The following CCNC variants were observed in gnomAD, a reference collection of about 807,000 sequenced individuals.
CCNC encodes cyclin C.
CCNC carries 19 observed loss-of-function variants against 50.0 expected under a neutral mutation model. That is an observed-to-expected ratio of 0.38 (90% confidence interval 0.27 to 0.56). The LOEUF is 0.56. Ranked by LOEUF, CCNC falls within the 20% of genes least tolerant of loss-of-function variation. The probability of loss-of-function intolerance (pLI) is 0.72; values close to 1 mark genes in which losing one functional copy is unlikely to be tolerated. For missense variants in CCNC, 200 were observed against 327.1 expected (o/e 0.61, Z 3.00); for synonymous variants, 93 against 103.7 (o/e 0.90, Z 0.63).
chr6:99,560,523 A>G (rs1046780302), intron 4 of CCNC, among the ~76,000 whole-genome samples: 1 of 152,212 alleles, frequency 6.6e-6, no homozygotes, highest in Non-Finnish European at 1.5e-5. Flanking sequence ...TTCAATATTC[A>G]AGAATACAAC....
chr6:99,553,772 G>A (rs776366941), intron 5 of CCNC, among the ~76,000 whole-genome samples: 13 of 152,120 alleles, frequency 8.5e-5, no homozygotes, highest in Non-Finnish European at 1.3e-4. Context: ...CTCCAGAACT[G>A]TGAGAAATAA....
intron 8 of CCNC, 130 bp downstream of exon 8, chr6:99,550,088 G>T: frequency 1.7e-6 from 1 of 590,780 alleles, no homozygotes; most frequent in South Asian, 2.8e-5. Context: ...TCAACAAGTG[G>T]TATTTTGCTC....
intron 5 of CCNC, among the ~76,000 whole-genome samples, chr6:99,552,305 T>C (rs1802332677): frequency 6.6e-6 from 1 of 152,162 alleles, no homozygotes; most frequent in Admixed American, 6.6e-5. Context: ...ATATAAAATA[T>C]TGGGAGGATA....
chr6:99,559,204 A>C (rs1360486345), intron 4 of CCNC, among the ~76,000 whole-genome samples: 3 of 151,906 alleles, frequency 2.0e-5, no homozygotes, highest in Admixed American at 6.5e-5. Context: ...AAAAAAAAAA[A>C]AACCATATAA....
intron 4 of CCNC, among the ~76,000 whole-genome samples, chr6:99,560,937 G>T (rs569587296): frequency 2.0e-5 from 3 of 152,218 alleles, no homozygotes; most frequent in Non-Finnish European, 2.9e-5. Flanking sequence ...TAGGCAAGCT[G>T]TGGTACTTAC....
chr6:99,548,748 A>G (rs893183403), intron 9 of CCNC, among the ~76,000 whole-genome samples: 3 of 148,406 alleles, frequency 2.0e-5, no homozygotes, highest in African/African-American at 7.5e-5. Context: ...GGTTGCAGTG[A>G]GCCAAGATCA....
chr6:99,547,486 CAA>C (rs200318712), intron 9 of CCNC, among the ~76,000 whole-genome samples: 1 of 130,640 alleles, frequency 7.7e-6, no homozygotes, highest in Admixed American at 7.5e-5. Flanking sequence ...CCAAGTCTTA[CAA>C]AAAAAAAAAA....
chr6:99,551,398 A>G (rs1441604871), intron 6 of CCNC, among the ~76,000 whole-genome samples: 1 of 151,874 alleles, frequency 6.6e-6, no homozygotes, highest in African/African-American at 2.4e-5. Flanking sequence ...TGTAACTTAA[A>G]GAGAATAAAC....
intron 9 of CCNC, 81 bp downstream of exon 9, chr6:99,549,427 C>CA (rs751123429): frequency 1.1e-6 from 1 of 912,036 alleles, no homozygotes; most frequent in Non-Finnish European, 1.8e-6. Flanking sequence ...ACATAAAGTA[C>CA]AATAGGGTGA....
intron 2 of CCNC, chr6:99,562,633 C>T: frequency 2.2e-6 from 1 of 461,432 alleles, no homozygotes; most frequent in South Asian, 2.5e-5. Flanking sequence ...TTCAAATTGT[C>T]TTGAGTGCCT....
At chr6:99,560,049 G>A (rs1026247194) in intron 4 of CCNC, among the ~76,000 whole-genome samples, 6 of 152,024 alleles carry the variant, frequency 3.9e-5, no homozygotes, top group Non-Finnish European at 8.8e-5. Flanking sequence ...AAAACTCAAA[G>A]GGAAAACTTT....
intron 5 of CCNC, among the ~76,000 whole-genome samples, chr6:99,554,024 T>C (rs1222979912): frequency 1.3e-5 from 2 of 152,166 alleles, no homozygotes; most frequent in Admixed American, 6.5e-5. Context: ...TACCACATTA[T>C]ATTTATTTGT....
intron 1 of CCNC, among the ~76,000 whole-genome samples, chr6:99,563,663 A>G (rs1028320837): frequency 2.0e-5 from 3 of 152,124 alleles, no homozygotes; most frequent in Admixed American, 2.0e-4. Context: ...TTTTTCACCC[A>G]TATTTTCTGA....
intron 5 of CCNC, 22 bp from the exon 6 acceptor site, chr6:99,551,917 T>G (rs758756123): frequency 7.5e-6 from 10 of 1,334,444 alleles, no homozygotes; most frequent in Non-Finnish European, 9.1e-6. Context: ...AAAAAAAAAA[T>G]TTAAACTGAG....
chr6:99,549,841 T>C (rs1802219014), intron 8 of CCNC, among the ~76,000 whole-genome samples: 1 of 152,184 alleles, frequency 6.6e-6, no homozygotes, highest in African/African-American at 2.4e-5. Flanking sequence ...CACATTTTTC[T>C]AATTTTTTAA....
intron 5 of CCNC, among the ~76,000 whole-genome samples, chr6:99,553,383 A>C (rs1357031602): frequency 6.6e-6 from 1 of 152,082 alleles, no homozygotes; most frequent in Non-Finnish European, 1.5e-5. Flanking sequence ...GGACCTTGAC[A>C]CCTAACACCT....
intron 9 of CCNC, among the ~76,000 whole-genome samples, chr6:99,547,060 T>TACA (rs34038863): frequency 0.25 from 38,381 of 151,934 alleles, 4,972 homozygotes; most frequent in East Asian, 0.37. Context: ...ATTAGTTATA[T>TACA]ATGTTATATA....
At chr6:99,546,757 G>A (rs370895238) in intron 9 of CCNC, among the ~76,000 whole-genome samples, 64 of 152,296 alleles carry the variant, frequency 4.2e-4, no homozygotes, top group African/African-American at 1.5e-3. Context: ...CATCCAATGA[G>A]GAGAGCAGAA....
intron 11 of CCNC, chr6:99,543,898 T>C: frequency 7.8e-7 from 1 of 1,288,868 alleles, no homozygotes; most frequent in Non-Finnish European, 9.8e-7. Context: ...TTCATTGTTA[T>C]TACAGGTATC....
Sources: gnomAD v4.1 joint callset for allele counts (sites outside exome capture counted in the v4.1 genomes callset) on GRCh38, gnomAD v4.1.1 for gene constraint, MANE v1.5 for transcripts, NCBI Gene and HGNC (gene_info 2026-07-23, HGNC 2026-07-21) for gene names.